RAD51B: variants seen among roughly 807,000 people sequenced by gnomAD.
RAD51B encodes the protein RAD51 paralog B, also known as DNA repair protein RAD51 homolog 2.
Under a neutral mutation model 42.2 loss-of-function variants are expected in RAD51B, and 38 were observed. The ratio of observed to expected loss-of-function variants is 0.90; its 90% CI spans 0.70 to 1.18. RAD51B has a LOEUF of 1.18. Ranked by LOEUF, RAD51B falls within the 50% of genes most tolerant of loss-of-function variation. The pLI, the probability that RAD51B is intolerant of heterozygous loss-of-function variation, is 0.00. For missense variants in RAD51B, 373 were observed against 400.7 expected (o/e 0.93, Z 0.59); for synonymous variants, 154 against 145.2 (o/e 1.06, Z -0.43).
At chr14:68,343,643 G>C (rs925431950) in intron 8 of RAD51B, among the ~76,000 whole-genome samples, 3 of 152,244 alleles carry the variant, frequency 2.0e-5, no homozygotes, top group African/African-American at 7.2e-5. Flanking sequence ...AGATTAGCGT[G>C]ACTAAAAGGG....
chr14:68,344,374 G>A (rs1206392327), intron 8 of RAD51B, among the ~76,000 whole-genome samples: 3 of 152,266 alleles, frequency 2.0e-5, no homozygotes, highest in African/African-American at 7.2e-5. Flanking sequence ...GCCGCCGAGC[G>A]TAGTGGCTCA....
chr14:68,114,404 T>C (rs1361093620), intron 7 of RAD51B, among the ~76,000 whole-genome samples: 1 of 152,148 alleles, frequency 6.6e-6, no homozygotes, highest in Non-Finnish European at 1.5e-5. Flanking sequence ...TATTTTACCA[T>C]TGAATGGCAT....
chr14:67,940,080 T>A (rs2045143478), intron 7 of RAD51B, among the ~76,000 whole-genome samples: 1 of 76,818 alleles, frequency 1.3e-5, no homozygotes, highest in African/African-American at 5.5e-5. Context: ...TTTTTTTTTT[T>A]TTTTTTTTTT....
rs569910092 is a variant in RAD51B at position 68,431,075 on chromosome 14, C to T, written c.957+19548C>T. Among the ~76,000 whole-genome samples, 129 of 152,264 alleles carry T rather than the reference C, an allele frequency of 8.5e-4. 2 individuals are homozygous for T. Among genetic ancestry groups the T allele is most frequent in the Non-Finnish European group, 1.5e-3 (104 of 68,026 alleles). On this transcript the variant is annotated intron_variant, in intron 9 of 10. Transcript: ENST00000471583. ...CGTTTATTGATTTTTGTATGTTGAACCAGCCTTGCATCCTAGGGATGAAGC... is the reference window on the plus strand; with the variant it reads ...CGTTTATTGATTTTTGTATGTTGAATCAGCCTTGCATCCTAGGGATGAAGC...
chr14:68,438,085 A>C (rs2085190918), intron 9 of RAD51B, among the ~76,000 whole-genome samples: 1 of 152,094 alleles, frequency 6.6e-6, no homozygotes, highest in African/African-American at 2.4e-5. Flanking sequence ...GGAAAGACAA[A>C]CCAGACTCAG....
intron 7 of RAD51B, among the ~76,000 whole-genome samples, chr14:68,239,479 C>A (rs8017874): frequency 0.024 from 3,712 of 152,170 alleles, 152 homozygotes; most frequent in African/African-American, 0.079. Flanking sequence ...TCAGCCTCTA[C>A]TTCCCAAAAA....
chr14:67,960,155 C>G (rs765198904), intron 7 of RAD51B, among the ~76,000 whole-genome samples: 2 of 151,476 alleles, frequency 1.3e-5, no homozygotes, highest in Non-Finnish European at 2.9e-5. Context: ...ACATAACGTT[C>G]TATGTTAAGT....
chr14:68,651,432 T>C lies in RAD51B; in HGVS notation c.*11+576T>C, dbSNP rs545996596. ...TGCCCGCCTTGGCCTCCTAAAGTGC[T>C]GGGATTACAGGTGTGAGCCAGCATG... On this transcript the variant is annotated intron_variant, in intron 11 of 11. Coordinates refer to the RAD51B transcript ENST00000488612. 2.0e-5 allele frequency among the ~76,000 whole-genome samples: 3 copies of C among 152,338 alleles called. No individual in the cohort carries two copies. The South Asian group carries it at 6.2e-4, about 32-fold the overall frequency.
At chr14:68,128,013 A>G in intron 7 of RAD51B, among the ~76,000 whole-genome samples, 1 of 152,216 alleles carries the variant, frequency 6.6e-6, no homozygotes, top group East Asian at 1.9e-4. Flanking sequence ...GGAACATAAA[A>G]ATGAATGTAT....
chr14:67,989,956 C>T, intron 7 of RAD51B, among the ~76,000 whole-genome samples: 1 of 148,054 alleles, frequency 6.8e-6, no homozygotes, highest in Non-Finnish European at 1.5e-5. Context: ...TCTTTCTTTT[C>T]AAATGGTAGC....
chr14:68,458,881 G>A (rs907610316), intron 9 of RAD51B, among the ~76,000 whole-genome samples: 11 of 152,088 alleles, frequency 7.2e-5, no homozygotes, highest in African/African-American at 2.7e-4. Context: ...TACAGATCTT[G>A]CTCTTCTATT....
chr14:68,441,312 G>A lies in RAD51B; in HGVS notation c.958-26860G>A, dbSNP rs193045792. Reference sequence around the variant, plus strand: ...AATCCCAGCACTTTGGGAGGCCGAGGTGGGTGGATCACGAGGTCAGGAGAT... The same window carrying A: ...AATCCCAGCACTTTGGGAGGCCGAGATGGGTGGATCACGAGGTCAGGAGAT... On this transcript the variant is annotated intron_variant, in intron 9 of 10. Coordinates refer to ENST00000471583, the MANE Select transcript of RAD51B (RefSeq NM_133510.4). Among the ~76,000 whole-genome samples, 946 of 147,684 alleles carry A rather than the reference G, an allele frequency of 6.4e-3. 4 individuals carry two copies. The highest frequency in any genetic ancestry group is 0.022 in the African/African-American group (898 of 40,830).
At chr14:67,960,185 C>T (rs1408310737) in intron 7 of RAD51B, among the ~76,000 whole-genome samples, 1 of 151,990 alleles carries the variant, frequency 6.6e-6, no homozygotes, top group Admixed American at 6.6e-5. Context: ...TACTACTTGA[C>T]AGAAATAATA....
chr14:68,435,238 C>G (rs2085116684), intron 9 of RAD51B, among the ~76,000 whole-genome samples: 2 of 152,090 alleles, frequency 1.3e-5, no homozygotes, highest in Admixed American at 6.5e-5. Flanking sequence ...TCCATGGGTA[C>G]CCTGTACTTA....
intron 10 of RAD51B, among the ~76,000 whole-genome samples, chr14:68,574,546 G>A (rs1325609229): frequency 6.6e-6 from 1 of 152,150 alleles, no homozygotes. Context: ...CCCACCCATT[G>A]CTTTAGCAGC....
At chr14:68,104,023 G>T (rs1228369292) in intron 7 of RAD51B, among the ~76,000 whole-genome samples, 1 of 152,138 alleles carries the variant, frequency 6.6e-6, no homozygotes, top group South Asian at 2.1e-4. Context: ...GGTTTCAGAA[G>T]AGCTGAGGTA....
At chr14:67,850,502 G>A (rs10148945) in intron 4 of RAD51B, among the ~76,000 whole-genome samples, 1,785 of 152,178 alleles carry the variant, frequency 0.012, 49 homozygotes, top group African/African-American at 0.041. Context: ...TTCAACCTAC[G>A]GGCCAGTAGA....
chr14:68,357,791 C>T (rs2082939333), intron 8 of RAD51B, among the ~76,000 whole-genome samples: 1 of 152,110 alleles, frequency 6.6e-6, no homozygotes, highest in Non-Finnish European at 1.5e-5. Context: ...ATTCAGTAAA[C>T]CATGCTACAA....
chr14:67,861,707 C>G lies in RAD51B; in HGVS notation c.316-3296C>G, dbSNP rs77170809. Among the ~76,000 whole-genome samples the G allele has an allele frequency of 5.1e-3, 775 of 151,966 alleles. 9 individuals carry two copies. Among genetic ancestry groups the G allele is most frequent in the African/African-American group, 0.018 (743 of 41,430 alleles). On this transcript the variant is annotated intron_variant, in intron 4 of 10. Coordinates refer to ENST00000471583, the MANE Select transcript of RAD51B (RefSeq NM_133510.4). Reference sequence around the variant, plus strand: ...GCATTGCAGATTAAACACCAAGCAACCAACCAATCAATGCAACACTGTTAC... The same window carrying G: ...GCATTGCAGATTAAACACCAAGCAAGCAACCAATCAATGCAACACTGTTAC...
Sources: allele counts gnomAD v4.1 joint callset (sites outside exome capture counted in the v4.1 genomes callset), GRCh38; gene constraint gnomAD v4.1.1; transcripts MANE v1.5; gene names NCBI Gene and HGNC (gene_info 2026-07-23, HGNC 2026-07-21).